HOMER2: variants seen among roughly 807,000 people sequenced by gnomAD.
The protein encoded by HOMER2 is homer protein homolog 2.
HOMER2 carries 27 observed loss-of-function variants against 47.0 expected under a neutral mutation model. The ratio of observed to expected loss-of-function variants is 0.57; its 90% CI spans 0.42 to 0.79. The LOEUF is 0.79. Among genes scored for constraint, HOMER2 ranks in the 30% least tolerant of loss-of-function variants. HOMER2 has a pLI of 0.00. For synonymous variants in HOMER2, 161 were observed against 163.8 expected (o/e 0.98, Z 0.13); for missense variants, 443 against 435.0 (o/e 1.02, Z -0.16).
intron 1 of HOMER2, among the ~76,000 whole-genome samples, chr15:82,899,007 C>T (rs570858094): frequency 1.3e-5 from 2 of 152,312 alleles, no homozygotes; most frequent in Admixed American, 6.5e-5. Context: ...CCATCTACTA[C>T]ACCAACCGAC....
chr15:82,850,421 A>C (rs1596299382), intron 8 of HOMER2, among the ~76,000 whole-genome samples: 1 of 152,150 alleles, frequency 6.6e-6, no homozygotes, highest in Non-Finnish European at 1.5e-5. Flanking sequence ...CAGTCTGTGC[A>C]CCCTCTGATG....
intron 1 of HOMER2, among the ~76,000 whole-genome samples, chr15:82,965,626 T>G (rs2054666944): frequency 2.0e-5 from 3 of 152,166 alleles, no homozygotes; most frequent in South Asian, 2.1e-4. Context: ...CTAACTTCCC[T>G]GTACCTCAAG....
At chr15:82,910,773 A>G (rs774900921) in intron 1 of HOMER2, among the ~76,000 whole-genome samples, 97 of 152,218 alleles carry the variant, frequency 6.4e-4, no homozygotes, top group Non-Finnish European at 1.1e-3. Flanking sequence ...GGCCTGTTCA[A>G]TGGTCACCAG....
intron 1 of HOMER2, among the ~76,000 whole-genome samples, chr15:82,968,103 T>C (rs1210563555): frequency 2.6e-5 from 4 of 152,348 alleles, no homozygotes; most frequent in East Asian, 3.9e-4. Flanking sequence ...AGTCTCACTG[T>C]GTTGCCCAGT....
chr15:82,889,181 GTCA>G (rs2052634036), intron 2 of HOMER2, among the ~76,000 whole-genome samples: 2 of 152,234 alleles, frequency 1.3e-5, no homozygotes, highest in Non-Finnish European at 2.9e-5. Flanking sequence ...CTGACCACCT[GTCA>G]TCATGGTTCA....
At chr15:82,966,783 C>T (rs2054678949) in intron 1 of HOMER2, among the ~76,000 whole-genome samples, 1 of 152,214 alleles carries the variant, frequency 6.6e-6, no homozygotes, top group African/African-American at 2.4e-5. Flanking sequence ...TTCTCAGAAA[C>T]TCTTTAGAAA....
intron 1 of HOMER2, among the ~76,000 whole-genome samples, chr15:82,945,017 C>T (rs2054345219): frequency 2.0e-5 from 3 of 152,112 alleles, no homozygotes; most frequent in Admixed American, 6.5e-5. Flanking sequence ...GCAGCTGGGT[C>T]TCGGTCCACC....
intron 3 of HOMER2, among the ~76,000 whole-genome samples, chr15:82,874,741 C>A (rs2052290731): frequency 1.3e-5 from 2 of 152,250 alleles, no homozygotes. Context: ...AACAGAGTCA[C>A]TGACGTTGAT....
chr15:82,889,158 A>G (rs2052633221), intron 2 of HOMER2, among the ~76,000 whole-genome samples: 1 of 152,218 alleles, frequency 6.6e-6, no homozygotes, highest in Non-Finnish European at 1.5e-5. Flanking sequence ...ACAGCCCCAA[A>G]AGCTAAACGC....
intron 3 of HOMER2, among the ~76,000 whole-genome samples, chr15:82,865,451 GC>G (rs2051934700): frequency 6.6e-6 from 1 of 152,116 alleles, no homozygotes; most frequent in Admixed American, 6.6e-5. Context: ...CGAGTTTTAG[GC>G]TTGCACAGCC....
Position 82,868,541 on chromosome 15 carries a change from A to ATATATTT in HOMER2, c.295-4283_295-4282insAAATATA. On this transcript the variant is annotated intron_variant, in intron 3 of 8. Coordinates refer to ENST00000450735, the MANE Select transcript of HOMER2 (RefSeq NM_004839.4). The stretch of plus-strand genomic sequence containing the variant: ...ATTTATTTTATATATATATATATAT[A>ATATATTT]TTTTTTTTTTTTTTTTTCCCCTTTT... Among the ~76,000 whole-genome samples the ATATATTT allele has an allele frequency of 6.2e-4, 44 of 71,266 alleles. 2 individuals carry two copies. The highest frequency in any genetic ancestry group is 1.1e-3 in the Admixed American group (6 of 5,450). 46.8% of individuals were successfully genotyped at this position (71,266 alleles called of 152,430 possible). A position where few individuals can be genotyped will look rare whatever the true frequency, so the allele number is the denominator to read the frequency against.
At chr15:82,919,674 A>T (rs922250772) in intron 1 of HOMER2, among the ~76,000 whole-genome samples, 11 of 152,238 alleles carry the variant, frequency 7.2e-5, no homozygotes, top group African/African-American at 2.7e-4. Context: ...AACCCTTTTA[A>T]AAAAGAACAT....
exon 2 of HOMER2, chr15:82,843,470 A>AAAAAAAAAAAT (rs1567005625): frequency 7.1e-6 from 1 of 141,446 alleles, no homozygotes; most frequent in Non-Finnish European, 1.6e-5. Context: ...AAAAAAAAAA[A>AAAAAAAAAAAT]AAGAATTGGA....
chr15:82,872,632 G>A (rs1273708095), intron 3 of HOMER2, among the ~76,000 whole-genome samples: 2 of 152,100 alleles, frequency 1.3e-5, no homozygotes, highest in Non-Finnish European at 2.9e-5. Flanking sequence ...CGAAAATCCT[G>A]GACACTCCAT....
intron 6 of HOMER2, chr15:82,852,768 G>C (rs899301479): frequency 3.9e-5 from 6 of 152,728 alleles, no homozygotes; most frequent in African/African-American, 1.2e-4. Context: ...ATGACATTTC[G>C]AATATTATAA....
intron 3 of HOMER2, among the ~76,000 whole-genome samples, chr15:82,865,329 A>G (rs944662830): frequency 1.3e-5 from 2 of 152,178 alleles, no homozygotes; most frequent in African/African-American, 2.4e-5. Flanking sequence ...AAGGAAAAAC[A>G]TCATTATCAT....
intron 1 of HOMER2, among the ~76,000 whole-genome samples, chr15:82,983,371 A>G (rs1395618598): frequency 2.0e-5 from 3 of 152,184 alleles, no homozygotes; most frequent in East Asian, 3.8e-4. Flanking sequence ...ACACATTTAC[A>G]TATCTGGGTA....
intron 2 of HOMER2, among the ~76,000 whole-genome samples, chr15:82,881,049 C>G (rs1327448942): frequency 6.6e-6 from 1 of 152,150 alleles, no homozygotes; most frequent in African/African-American, 2.4e-5. Flanking sequence ...GGAACCAAAG[C>G]CCAGAAGGGA....
intron 1 of HOMER2, among the ~76,000 whole-genome samples, chr15:82,906,168 G>A (rs761081242): frequency 1.3e-4 from 19 of 150,850 alleles, no homozygotes; most frequent in Non-Finnish European, 1.8e-4. Flanking sequence ...GTAAAAAAGC[G>A]TAAAAAAAGA....
Sources: allele counts gnomAD v4.1 joint callset (sites outside exome capture counted in the v4.1 genomes callset), GRCh38; gene constraint gnomAD v4.1.1; transcripts MANE v1.5; gene names NCBI Gene and HGNC (gene_info 2026-07-23, HGNC 2026-07-21).